CELSR2: variants seen among roughly 807,000 people sequenced by gnomAD.
The protein encoded by CELSR2 is cadherin EGF LAG seven-pass G-type receptor 2.
A neutral mutation model predicts 251.6 loss-of-function variants in CELSR2; 81 were observed. The observed-to-expected ratio is 0.32, with a 90% CI of 0.27 to 0.39. The LOEUF (loss-of-function observed/expected upper bound fraction) is 0.39. Among genes scored for constraint, CELSR2 ranks in the 10% least tolerant of loss-of-function variants. The pLI, the probability that CELSR2 is intolerant of heterozygous loss-of-function variation, is 1.00. For synonymous variants in CELSR2, 1,721 were observed against 1,670.5 expected, an observed-to-expected ratio of 1.03 and a Z score of -0.74; for missense variants, 3,365 against 3,947.7, an observed-to-expected ratio of 0.85 and a Z score of 3.96.
chr1:109,250,544 G>C lies in CELSR2; in HGVS notation c.465G>C (p.Gly155=). The C allele has an allele frequency of 6.2e-7, 1 of 1,613,970 alleles. No homozygotes were observed. Among genetic ancestry groups the C allele is most frequent in the Non-Finnish European group, 8.5e-7 (1 of 1,180,026 alleles). The change falls in exon 1 of 34, where the codon GGG becomes GGC. Residue 155 remains glycine (G), a synonymous_variant. Transcript: ENST00000271332. This position sits in a 1 kb window ranked among gnomAD's most constrained non-coding sequence, Gnocchi z 4.4. The stretch of plus-strand genomic sequence containing the variant: ...CCTGCAAGCTGGCACAGGCCCCCGG[G>C]CTCAGGGCAGGGGAAAGGTCACCAG... ...CQSCKLAQAP[G]LRAGERSPEE...
In CELSR2 at chr1:109,250,996, A is replaced by G; in HGVS notation, c.917A>G (p.Tyr306Cys). Residue 306 changes from tyrosine (Y) to cysteine (C), a missense_variant, in exon 1 of 34, where the codon TAT becomes TGT. Transcript: ENST00000271332. This position sits in a 1 kb window ranked among gnomAD's most constrained non-coding sequence, Gnocchi z 4.4. ...ESLRENLEVG[Y>C]EVLTVRATDG... is the part of the protein sequence containing the mutation. ...CTCAGGGAGAACCTGGAGGTTGGCT[A>G]TGAGGTGCTCACTGTCAGGGCCACG... 1 of 1,613,580 alleles carries G rather than the reference A, an allele frequency of 6.2e-7. No individual in the cohort carries two copies. Among genetic ancestry groups the G allele is most frequent in the Non-Finnish European group, 8.5e-7 (1 of 1,179,956 alleles).
Position 109,270,130 on chromosome 1 carries a change from C to T in CELSR2, c.7305C>T (p.Leu2435=). The change falls in exon 23 of 34, where the codon CTC becomes CTT. Residue 2435 remains leucine, a synonymous_variant. Coordinates refer to ENST00000271332, the MANE Select transcript of CELSR2 (RefSeq NM_001408.3). Reference sequence around the variant, plus strand: ...TCCTGGGAATCAACCAGGCTGACCTCCCTGTAAGATGCTCCTACTGCCCAG... The same window carrying T: ...TCCTGGGAATCAACCAGGCTGACCTTCCTGTAAGATGCTCCTACTGCCCAG... The part of the protein sequence containing the change: ...VFLLGINQAD[L]PFACTVIAIL... 6.2e-7 allele frequency: 1 copy of T among 1,613,862 alleles called. No homozygotes were observed. Among genetic ancestry groups the T allele is most frequent in the Non-Finnish European group, 8.5e-7 (1 of 1,179,986 alleles).
In CELSR2 at chr1:109,252,422, C is replaced by T. The variant is rs1348782898; in HGVS notation, c.2343C>T (p.Tyr781=). The T allele has an allele frequency of 1.2e-6, 2 of 1,613,466 alleles. No individual in the cohort carries two copies. The highest frequency in any genetic ancestry group is 8.5e-7 in the Non-Finnish European group (1 of 1,180,010). The change falls in exon 1 of 34, where the codon TAC becomes TAT. Residue 781 remains tyrosine (Y), a synonymous_variant. Transcript: ENST00000271332. This position sits in a 1 kb window ranked among gnomAD's most constrained non-coding sequence, Gnocchi z 4.8. ...TGGACTATGAAGACCAAGTGTCTTA[C>T]ACCCTGGCCATTACTGCTCGGGACA... ...AELDYEDQVS[Y]TLAITARDNG... is the part of the protein sequence containing the mutation.
Position 109,250,951 on chromosome 1 carries a change from A to G in CELSR2, c.872A>G (p.Gln291Arg). 6.2e-7 allele frequency: 1 copy of G among 1,613,742 alleles called. No individual in the cohort carries two copies. Among genetic ancestry groups the G allele is most frequent in the Non-Finnish European group, 8.5e-7 (1 of 1,180,030 alleles). ...AATGACCATGACCCTGTGTTCGAGC[A>G]GCAGGAGTACAAGGAGAGCCTCAGG... ...DTNDHDPVFEQQEYKESLREN... is the reference protein window; with the variant it reads ...DTNDHDPVFERQEYKESLREN... The change falls in exon 1 of 34, where the codon CAG (glutamine) becomes CGG (arginine). Residue 291 changes from glutamine (Q) to arginine (R), a missense_variant. Physicochemically the swap from Gln to Arg is conservative, Grantham distance 43. Coordinates refer to ENST00000271332, the MANE Select transcript of CELSR2 (RefSeq NM_001408.3). This position sits in a 1 kb window ranked among gnomAD's most constrained non-coding sequence, Gnocchi z 4.4.
At position 109,250,167 on chromosome 1, in the gene CELSR2, T is replaced by G; in HGVS notation, c.88T>G (p.Leu30Val). The change falls in exon 1 of 34, where the codon TTG (leucine) becomes GTG (valine). Residue 30 changes from leucine (L) to valine (V), a missense_variant. Around this residue, in one of 5 missense-constraint regions of CELSR2, gnomAD observed 704 missense variants for 784.1 expected, o/e 0.90. Transcript: ENST00000271332. The surrounding 1 kb of genome is among the most constrained non-coding windows in gnomAD (Gnocchi z 4.4). The stretch of plus-strand genomic sequence containing the variant: ...GCTGCTGCTGCTGCCGCCGCCACTA[T>G]TGGGAGACCAAGTGGGGCCCTGTCG... ...LLLLLLPPPL[L>V]GDQVGPCRSL... 1 of 1,602,732 alleles carries G rather than the reference T, an allele frequency of 6.2e-7. No individual in the cohort carries two copies. The highest frequency in any genetic ancestry group is 8.5e-7 in the Non-Finnish European group (1 of 1,176,394).
At chr1:109,271,574 G>T (rs200533733) in intron 27 of CELSR2, 26 bp from the exon 28 acceptor site, 1 of 1,614,156 alleles carries the variant, frequency 6.2e-7, no homozygotes, top group Non-Finnish European at 8.5e-7. Context: ...AATATGCACA[G>T]ACCGTTGCTG....
chr1:109,271,060 T>G (rs776122960), intron 25 of CELSR2, 21 bp downstream of exon 25: 3 of 1,592,736 alleles, frequency 1.9e-6, no homozygotes, highest in Non-Finnish European at 2.6e-6. Context: ...GCAGGTGGGT[T>G]GGGTGTCACC....
chr1:109,267,117 A>G (rs770895396), intron 15 of CELSR2, among the ~76,000 whole-genome samples: 32 of 152,044 alleles, frequency 2.1e-4, no homozygotes, highest in Non-Finnish European at 4.0e-4. Context: ...CAGGGTTCCA[A>G]TCGTCAGCTC....
At chr1:109,266,838 G>C (rs1656210182) in intron 15 of CELSR2, among the ~76,000 whole-genome samples, 1 of 150,706 alleles carries the variant, frequency 6.6e-6, no homozygotes, top group African/African-American at 2.5e-5. Flanking sequence ...TCCTACCTCA[G>C]CCTTCCGAGT....
intron 15 of CELSR2, chr1:109,266,559 A>AT (rs35994599): frequency 0.45 from 37,638 of 83,484 alleles, 8,376 homozygotes; most frequent in Non-Finnish European, 0.5. Flanking sequence ...CACCTGGCTA[A>AT]TTTTTTTTTT....
In CELSR2 at chr1:109,249,922, G is replaced by A. The variant is rs1655624505; in HGVS notation, c.-158G>A. On this transcript the variant is annotated 5_prime_UTR_variant, in exon 1 of 34. Transcript: ENST00000271332. ...GGCTCGTCGGAGGGTGCAGCGCGGG[G>A]TCCCGCCGAGCCATCCAGACGCAGG... The A allele has an allele frequency of 1.7e-6, 1 of 586,410 alleles. No homozygotes were observed. The highest frequency in any genetic ancestry group is 2.3e-6 in the Non-Finnish European group (1 of 427,756). The allele number at this position is 586,410 out of a possible 1,614,324, so 36.3% of individuals were successfully genotyped here. A position where few individuals can be genotyped will look rare whatever the true frequency, so the allele number is the denominator to read the frequency against.
At position 109,261,827 on chromosome 1, in the gene CELSR2, G is replaced by A. The variant is rs1313942447; in HGVS notation, c.4317G>A (p.Val1439=). Residue 1439 remains valine, a synonymous_variant, in exon 5 of 34, where the codon GTG becomes GTA. Transcript: ENST00000271332. This position sits in a 1 kb window ranked among gnomAD's most constrained non-coding sequence, Gnocchi z 4.8. ...CCCCAGGGGAGTCAACCACCACGGTGTCCCCATTCGTGCCCGGAGGAGTCA... is the reference window on the plus strand; with the variant it reads ...CCCCAGGGGAGTCAACCACCACGGTATCCCCATTCGTGCCCGGAGGAGTCA... The part of the protein sequence containing the change: ...TFSAGESTTT[V]SPFVPGGVSD... 3.8e-6 allele frequency: 6 copies of A among 1,594,386 alleles called. No homozygotes were observed. Among genetic ancestry groups the A allele is most frequent in the Non-Finnish European group, 5.1e-6 (6 of 1,168,958 alleles).
intron 16 of CELSR2, 38 bp from the exon 17 acceptor site, chr1:109,267,813 C>T: frequency 1.3e-6 from 2 of 1,588,264 alleles, no homozygotes. Context: ...TCCAGAGTTC[C>T]TGCCCTCACT....
chr1:109,270,038 C>A lies in CELSR2; in HGVS notation c.7213C>A (p.Arg2405Ser), dbSNP rs149434499. The change falls in exon 23 of 34, where the codon CGC (arginine) becomes AGC (serine). Residue 2405 changes from arginine to serine, a missense_variant. By Grantham distance (110) the Arg-to-Ser change is moderately radical. Transcript: ENST00000271332. The part of the protein sequence containing the change: ...FFFLTLLRIL[R>S]SNQHGIRRNL... The stretch of plus-strand genomic sequence containing the variant: ...CTTCCTCACTCTCTTGCGTATCCTG[C>A]GCTCCAACCAACACGGCATCCGACG... The A allele has an allele frequency of 6.2e-7, 1 of 1,614,006 alleles. No homozygotes were observed. Among genetic ancestry groups the A allele is most frequent in the Non-Finnish European group, 8.5e-7 (1 of 1,180,040 alleles).
chr1:109,271,434 G>A lies in CELSR2; in HGVS notation c.7725G>A (p.Thr2575=), dbSNP rs761491369. 3.1e-6 allele frequency: 5 copies of A among 1,614,018 alleles called. No individual in the cohort carries two copies. Among genetic ancestry groups the A allele is most frequent in the Admixed American group, 3.3e-5 (2 of 60,026 alleles). The stretch of plus-strand genomic sequence containing the variant: ...CCGTCCTCCTGCTGCTGAGCGCCAC[G>A]TGGCTGCTGGCACTGCTCTCTGTCA... ...SFAVLLLLSA[T]WLLALLSVNS... The change falls in exon 27 of 34, where the codon ACG becomes ACA. Residue 2575 remains threonine (T), a synonymous_variant. Transcript: ENST00000271332.
Position 109,258,616 on chromosome 1 carries a change from G to A in CELSR2, c.3495G>A (p.Val1165=). 1.3e-6 allele frequency: 2 copies of A among 1,577,530 alleles called. No homozygotes were observed. Among genetic ancestry groups the A allele is most frequent in the South Asian group, 1.2e-5 (1 of 86,610 alleles). Residue 1165 remains valine (V), a synonymous_variant, in exon 2 of 34, where the codon GTG becomes GTA. Transcript: ENST00000271332. ...TGGCCACGCCACCGGACCACGTGGT[G>A]GTCTTCAACGTACAGCGGGACACCG... ...ATLATPPDHV[V]VFNVQRDTDA... is the part of the protein sequence containing the mutation.
At chr1:109,272,222 A>G in intron 28 of CELSR2, 56 bp from the exon 29 acceptor site, 1 of 1,518,454 alleles carries the variant, frequency 6.6e-7, no homozygotes, top group South Asian at 1.3e-5. Context: ...CCTTCTTCCC[A>G]GCCTGGGGCC....
chr1:109,273,384 A>T, intron 32 of CELSR2, 48 bp downstream of exon 32: 1 of 1,608,528 alleles, frequency 6.2e-7, no homozygotes, highest in Non-Finnish European at 8.5e-7. Flanking sequence ...CAGCAGCCTC[A>T]TACCTCACAT....
In CELSR2 at chr1:109,261,439, C is replaced by A; in HGVS notation, c.4182-74C>A. The A allele has an allele frequency of 6.9e-7, 1 of 1,453,628 alleles. No individual in the cohort carries two copies. The highest frequency in any genetic ancestry group is 9.7e-7 in the Non-Finnish European group (1 of 1,034,966). The allele number at this position is 1,453,628 out of a possible 1,614,324, so 90.0% of individuals were successfully genotyped here. ...TGCCAGCAGATCTCCCTCCCCTGCG[C>A]TGGTTAGGTGGCGGGGGTGCTGGCA... On this transcript the variant is annotated intron_variant, in intron 3 of 33. Coordinates refer to ENST00000271332, the MANE Select transcript of CELSR2 (RefSeq NM_001408.3). This position sits in a 1 kb window ranked among gnomAD's most constrained non-coding sequence, Gnocchi z 4.8.
Sources: gnomAD v4.1 joint callset for allele counts (sites outside exome capture counted in the v4.1 genomes callset) on GRCh38, gnomAD v4.1.1 for gene constraint, gnomAD v4.1.1 regional missense constraint, Gnocchi (gnomAD v3.1) non-coding constraint, MANE v1.5 for transcripts, NCBI Gene and HGNC (gene_info 2026-07-23, HGNC 2026-07-21) for gene names.